The following NXPH1 variants were observed in gnomAD, a reference collection of about 807,000 sequenced individuals.
NXPH1 encodes the protein neurexophilin 1.
Under a neutral mutation model 23.7 loss-of-function variants are expected in NXPH1, and 5 were observed. The ratio of observed to expected loss-of-function variants is 0.21; its 90% CI spans 0.11 to 0.44. NXPH1 has a LOEUF of 0.44. NXPH1 is among the 20% of genes least tolerant of loss of function. NXPH1 has a pLI of 0.99. For missense variants in NXPH1, 324 were observed against 321.6 expected (o/e 1.01, Z -0.06); for synonymous variants, 144 against 122.2 (o/e 1.18, Z -1.18).
At chr7:8,586,078 C>T (rs1818974680) in intron 2 of NXPH1, among the ~76,000 whole-genome samples, 1 of 152,152 alleles carries the variant, frequency 6.6e-6, no homozygotes, top group African/African-American at 2.4e-5. Flanking sequence ...GTGATAGTAA[C>T]ACAGAAAGTC....
chr7:8,597,552 A>G (rs1819253053), intron 2 of NXPH1, among the ~76,000 whole-genome samples: 1 of 152,022 alleles, frequency 6.6e-6, no homozygotes, highest in South Asian at 2.1e-4. Context: ...GTACATTTGT[A>G]TGGGGACAGA....
At chr7:8,675,981 C>T (rs984188462) in intron 2 of NXPH1, among the ~76,000 whole-genome samples, 3 of 152,084 alleles carry the variant, frequency 2.0e-5, no homozygotes, top group Non-Finnish European at 4.4e-5. Flanking sequence ...TACTGTTTGG[C>T]TGTGTAAACT....
intron 2 of NXPH1, among the ~76,000 whole-genome samples, chr7:8,550,256 G>A (rs1196182375): frequency 6.6e-6 from 1 of 151,592 alleles, no homozygotes; most frequent in South Asian, 2.1e-4. Context: ...CACAATTAGT[G>A]ATTCCAGAGG....
intron 2 of NXPH1, among the ~76,000 whole-genome samples, chr7:8,725,537 G>T (rs887298677): frequency 8.6e-5 from 13 of 151,704 alleles, no homozygotes; most frequent in African/African-American, 2.7e-4. Flanking sequence ...CTCTAAGTTG[G>T]ATGTGTTTTT....
chr7:8,722,213 G>T (rs1417218617), intron 2 of NXPH1, among the ~76,000 whole-genome samples: 1 of 152,102 alleles, frequency 6.6e-6, no homozygotes, highest in East Asian at 1.9e-4. Context: ...ACAAAAGCTT[G>T]CTGATGGATT....
chr7:8,743,252 CTT>C (rs1229387959), intron 2 of NXPH1, among the ~76,000 whole-genome samples: 6 of 151,862 alleles, frequency 4.0e-5, no homozygotes, highest in South Asian at 2.1e-4. Context: ...TCAAAGCAAT[CTT>C]GAGATTATTT....
At chr7:8,487,818 C>A (rs1817183666) in intron 2 of NXPH1, among the ~76,000 whole-genome samples, 1 of 152,116 alleles carries the variant, frequency 6.6e-6, no homozygotes, top group Non-Finnish European at 1.5e-5. Context: ...GGGAAGGGCT[C>A]ACAGTTTAAT....
intron 2 of NXPH1, among the ~76,000 whole-genome samples, chr7:8,632,020 G>C (rs960252181): frequency 3.3e-5 from 5 of 152,136 alleles, no homozygotes; most frequent in Admixed American, 2.0e-4. Flanking sequence ...TACTGTGCCT[G>C]AGATAGCTAA....
intron 2 of NXPH1, among the ~76,000 whole-genome samples, chr7:8,482,836 T>A (rs1045067568): frequency 2.6e-5 from 4 of 152,232 alleles, no homozygotes; most frequent in Non-Finnish European, 5.9e-5. Flanking sequence ...TTGTGATGGA[T>A]GGTGTCTTGG....
At chr7:8,554,549 A>G (rs890064471) in intron 2 of NXPH1, among the ~76,000 whole-genome samples, 1 of 151,746 alleles carries the variant, frequency 6.6e-6, no homozygotes, top group African/African-American at 2.4e-5. Flanking sequence ...TAGTACATTA[A>G]TATGTGTTAT....
rs753711958 is a variant in NXPH1, at chr7:8,476,576, T to C, written c.54+40809T>C. ...GGTGTTCTTTGATATATAGGTGTTA[T>C]GTTGTTTTTTAATGATGTTTTTACA... On this transcript the variant is annotated intron_variant, in intron 2 of 2. Transcript: ENST00000405863. Among the ~76,000 whole-genome samples the C allele has an allele frequency of 7.2e-5, 11 of 152,206 alleles. No homozygotes were observed. The East Asian group carries it at 2.1e-3, about 29-fold the overall frequency.
chr7:8,534,687 C>T (rs1298295556), intron 2 of NXPH1, among the ~76,000 whole-genome samples: 3 of 152,014 alleles, frequency 2.0e-5, no homozygotes, highest in African/African-American at 4.8e-5. Flanking sequence ...TATAAATTAT[C>T]GTACTCTCAA....
chr7:8,448,886 G>C (rs1435231867), intron 2 of NXPH1, among the ~76,000 whole-genome samples: 1 of 150,092 alleles, frequency 6.7e-6, no homozygotes, highest in African/African-American at 2.5e-5. Flanking sequence ...GAAATGAAGA[G>C]ACAAGTCATC....
intron 2 of NXPH1, among the ~76,000 whole-genome samples, chr7:8,704,612 G>T (rs574228487): frequency 4.7e-4 from 71 of 152,214 alleles, no homozygotes; most frequent in Non-Finnish European, 8.4e-4. Flanking sequence ...GAATTAAGGG[G>T]AGACCATTAG....
At chr7:8,521,544 G>C (rs1420378662) in intron 2 of NXPH1, among the ~76,000 whole-genome samples, 1 of 152,130 alleles carries the variant, frequency 6.6e-6, no homozygotes, top group East Asian at 1.9e-4. Context: ...GTGTTGAGAT[G>C]GCAGCATTGC....
chr7:8,531,644 G>A (rs1353379380), intron 2 of NXPH1, among the ~76,000 whole-genome samples: 1 of 152,132 alleles, frequency 6.6e-6, no homozygotes, highest in Non-Finnish European at 1.5e-5. Flanking sequence ...TATAAAGGTA[G>A]GTTCTTTGCT....
At chr7:8,588,988 TA>T (rs1315955955) in intron 2 of NXPH1, among the ~76,000 whole-genome samples, 1 of 152,148 alleles carries the variant, frequency 6.6e-6, no homozygotes, top group Non-Finnish European at 1.5e-5. Context: ...GAAAAAAATC[TA>T]GACTATCCAA....
chr7:8,478,373 A>G (rs10486226), intron 2 of NXPH1, among the ~76,000 whole-genome samples: 18,223 of 152,080 alleles, frequency 0.12, 3,217 homozygotes, highest in African/African-American at 0.39. Context: ...GTGTAACTCC[A>G]GAAACAATCA....
chr7:8,572,025 A>G (rs1026673372), intron 2 of NXPH1, among the ~76,000 whole-genome samples: 3 of 152,148 alleles, frequency 2.0e-5, no homozygotes, highest in Admixed American at 1.3e-4. Context: ...TAAATATGCA[A>G]TCACTCCCCA....
Sources: allele counts gnomAD v4.1 joint callset (sites outside exome capture counted in the v4.1 genomes callset), GRCh38; gene constraint gnomAD v4.1.1; transcripts MANE v1.5; gene names NCBI Gene and HGNC (gene_info 2026-07-23, HGNC 2026-07-21).